Variants in COLGALT2 observed in about 807,000 individuals in gnomAD.
COLGALT2 encodes collagen beta(1-O)galactosyltransferase 2, also known as procollagen galactosyltransferase 2.
A neutral mutation model predicts 73.4 loss-of-function variants in COLGALT2; 49 were observed. The ratio of observed to expected loss-of-function variants is 0.67; its 90% confidence interval spans 0.53 to 0.85. COLGALT2 has a LOEUF of 0.85. COLGALT2 is among the 40% of genes least tolerant of loss of function. The pLI is 0.00. For synonymous variants in COLGALT2, 295 were observed against 307.6 expected, an observed-to-expected ratio of 0.96 and a Z score of 0.43; for missense variants, 722 against 790.2, an observed-to-expected ratio of 0.91 and a Z score of 1.03.
At chr1:183,970,508 TTC>T (rs1671008164) in intron 4 of COLGALT2, among the ~76,000 whole-genome samples, 1 of 152,198 alleles carries the variant, frequency 6.6e-6, no homozygotes, top group African/African-American at 2.4e-5. Context: ...CCTCACCTAC[TTC>T]TCTGACATTC....
intron 1 of COLGALT2, among the ~76,000 whole-genome samples, chr1:184,029,792 A>G (rs1649451907): frequency 6.6e-6 from 1 of 152,190 alleles, no homozygotes; most frequent in African/African-American, 2.4e-5. Context: ...CCTTCAGAGT[A>G]CCTGCCTGGA....
chr1:184,020,192 G>GA (rs1298855093), intron 1 of COLGALT2, among the ~76,000 whole-genome samples: 14 of 152,230 alleles, frequency 9.2e-5, no homozygotes, highest in Admixed American at 9.2e-4. Flanking sequence ...GAAGAGCCAA[G>GA]AAAAAGTTGA....
At chr1:184,015,095 G>T (rs1028955196) in intron 1 of COLGALT2, among the ~76,000 whole-genome samples, 1 of 136,864 alleles carries the variant, frequency 7.3e-6, no homozygotes, top group African/African-American at 2.8e-5. Context: ...TTTCTAGTGG[G>T]TAAAAAAAAA....
At chr1:183,935,283 G>T (rs979967342), downstream of COLGALT2, among the ~76,000 whole-genome samples, 17 of 152,142 alleles carry the variant, frequency 1.1e-4, no homozygotes, top group African/African-American at 3.6e-4. Context: ...CTCCTCCATT[G>T]GACTGCGGGC....
At chr1:183,973,863 A>C in intron 3 of COLGALT2, 113 bp from the exon 4 acceptor site, 1 of 948,860 alleles carries the variant, frequency 1.1e-6, no homozygotes, top group East Asian at 2.5e-5. Flanking sequence ...ATATGGAACC[A>C]GCTATCTATG....
intron 1 of COLGALT2, among the ~76,000 whole-genome samples, chr1:184,034,403 A>C (rs1175823829): frequency 6.6e-6 from 1 of 151,816 alleles, no homozygotes; most frequent in African/African-American, 2.4e-5. Flanking sequence ...GTGTCCACTC[A>C]TCAAGAAGAC....
chr1:183,988,210 G>C lies in COLGALT2; in HGVS notation c.264-9690C>G, dbSNP rs189485350. 3.2e-3 allele frequency among the ~76,000 whole-genome samples: 483 copies of C among 152,228 alleles called. 6 individuals are homozygous for C. Among genetic ancestry groups the C allele is most frequent in the Admixed American group, 0.018 (271 of 15,286 alleles). On this transcript the variant is annotated intron_variant, in intron 1 of 11. Coordinates refer to ENST00000361927, the MANE Select transcript of COLGALT2 (RefSeq NM_015101.4). ...CTCTCAACCCAGTCTAATATCAAGA[G>C]AATTGGAAAGAAGAAAAAAATGATG...
At position 183,938,996 on chromosome 1, in the gene COLGALT2, G is replaced by C. The variant is rs1303302714; in HGVS notation, c.1646C>G (p.Ala549Gly). 4 of 1,613,996 alleles carry C rather than the reference G, an allele frequency of 2.5e-6. No individual in the cohort carries two copies. The highest frequency in any genetic ancestry group is 3.4e-6 in the Non-Finnish European group (4 of 1,180,000). ...KEYYESRDLK[A>G]FSAEPLLIYP... Reference sequence around the variant, plus strand: ...GATGAGCAAGGGTTCTGCAGAGAAGGCTTTCAGGTCCCTGGATTCATAATA... The same window carrying C: ...GATGAGCAAGGGTTCTGCAGAGAAGCCTTTCAGGTCCCTGGATTCATAATA... Residue 549 changes from alanine to glycine, a missense_variant, in exon 12 of 12, where the codon GCC becomes GGC. Coordinates refer to ENST00000361927, the MANE Select transcript of COLGALT2 (RefSeq NM_015101.4).
intron 5 of COLGALT2, among the ~76,000 whole-genome samples, chr1:183,964,921 A>G (rs1286208340): frequency 6.6e-6 from 1 of 152,194 alleles, no homozygotes; most frequent in Non-Finnish European, 1.5e-5. Context: ...GTTAATTGCG[A>G]TAATTGTCAG....
chr1:183,940,857 T>G, intron 10 of COLGALT2, 70 bp from the exon 11 acceptor site: 1 of 1,343,590 alleles, frequency 7.4e-7, no homozygotes, highest in Non-Finnish European at 1.1e-6. Context: ...GAAGCACAGC[T>G]TTGGTTTACA....
In COLGALT2 at chr1:183,963,958, G is replaced by A. The variant is rs1420008182; in HGVS notation, c.895C>T (p.His299Tyr). The change falls in exon 6 of 12, where the codon CAT (histidine) becomes TAT (tyrosine). Residue 299 changes from histidine to tyrosine, a missense_variant. Coordinates refer to ENST00000361927, the MANE Select transcript of COLGALT2 (RefSeq NM_015101.4). ...YGYLPIPLKP[H>Y]QTLQEDIENL... ...TCGATGTCTTCCTGCAGTGTCTGAT[G>A]GGGCTTCAGGGGGATGGGCAGGTAG... The A allele has an allele frequency of 6.2e-7, 1 of 1,613,176 alleles. No homozygotes were observed. The highest frequency in any genetic ancestry group is 8.5e-7 in the Non-Finnish European group (1 of 1,179,584).
At position 184,037,610 on chromosome 1, in the gene COLGALT2, G is replaced by A. The variant is rs1649738226; in HGVS notation, c.-253C>T. 9.3e-7 allele frequency: 1 copy of A among 1,073,116 alleles called. No individual in the cohort carries two copies. The highest frequency in any genetic ancestry group is 1.7e-5 in the African/African-American group (1 of 59,714). 66.5% of individuals were successfully genotyped at this position (1,073,116 alleles called of 1,614,324 possible). ...AGCCGCTGGCGCTCCCCTGCGCCTCGGGCTCGCAGACAGTAGTGGCCGAGG... is the reference window on the plus strand; with the variant it reads ...AGCCGCTGGCGCTCCCCTGCGCCTCAGGCTCGCAGACAGTAGTGGCCGAGG... On this transcript the variant is annotated 5_prime_UTR_variant, in exon 1 of 12. Transcript: ENST00000361927.
At chr1:184,003,473 C>T (rs140997447) in intron 1 of COLGALT2, among the ~76,000 whole-genome samples, 279 of 152,306 alleles carry the variant, frequency 1.8e-3, no homozygotes, top group African/African-American at 6.4e-3. Flanking sequence ...TCCGTCCAGT[C>T]CAGGGACCAG....
At chr1:183,963,791 G>A in intron 6 of COLGALT2, 110 bp downstream of exon 6, 2 of 1,173,934 alleles carry the variant, frequency 1.7e-6, no homozygotes, top group South Asian at 3.7e-5. Context: ...TATTCAGCCA[G>A]GGGAGACTGA....
chr1:184,036,348 C>T (rs1487277202), intron 1 of COLGALT2, among the ~76,000 whole-genome samples: 2 of 152,240 alleles, frequency 1.3e-5, no homozygotes, highest in Admixed American at 1.3e-4. Flanking sequence ...CAGGTCCAAG[C>T]TTCTTTCCTC....
Position 183,992,671 on chromosome 1 carries a change from G to C in COLGALT2, c.264-14151C>G, listed in dbSNP as rs141110793. Among the ~76,000 whole-genome samples the C allele has an allele frequency of 1.9e-3, 283 of 152,116 alleles. 1 individual carries two copies. Among genetic ancestry groups the C allele is most frequent in the African/African-American group, 6.3e-3 (260 of 41,394 alleles). ...AGAATCTTTGCTCTTGCTGTGAATA[G>C]AGTTATCAGTTGAAAGGATGCCTGA... is the stretch of plus-strand genomic sequence containing the variant. On this transcript the variant is annotated intron_variant, in intron 1 of 11. Coordinates refer to ENST00000361927, the MANE Select transcript of COLGALT2 (RefSeq NM_015101.4).
intron 7 of COLGALT2, among the ~76,000 whole-genome samples, chr1:183,951,804 C>T (rs940976279): frequency 6.6e-6 from 1 of 152,106 alleles, no homozygotes. Context: ...GCAATCTCTA[C>T]CAAAATACAA....
At chr1:184,033,054 G>T (rs946023601) in intron 1 of COLGALT2, among the ~76,000 whole-genome samples, 3 of 152,170 alleles carry the variant, frequency 2.0e-5, no homozygotes, top group African/African-American at 7.2e-5. Context: ...CAAACAAAAT[G>T]CCCAAATCTT....
At chr1:183,933,741 GGT>G (rs758308858), downstream of COLGALT2, among the ~76,000 whole-genome samples, 1,893 of 152,328 alleles carry the variant, frequency 0.012, 26 homozygotes, top group South Asian at 0.047. Context: ...AGCCTTGCCA[GGT>G]CCATGGGGGC....
Sources: allele counts gnomAD v4.1 joint callset (sites outside exome capture counted in the v4.1 genomes callset), GRCh38; gene constraint gnomAD v4.1.1; transcripts MANE v1.5; gene names NCBI Gene and HGNC (gene_info 2026-07-23, HGNC 2026-07-21).